Variants in UNC45B observed in about 807,000 individuals in gnomAD.
The protein encoded by UNC45B is unc-45 myosin chaperone B, also known as protein unc-45 homolog B.
In UNC45B, 78 loss-of-function variants were observed where a neutral mutation model predicts 98.7. The observed-to-expected ratio is 0.79, with a 90% CI of 0.66 to 0.95. The LOEUF is 0.95. UNC45B is among the 40% of genes least tolerant of loss of function. The pLI is 0.00. For missense variants in UNC45B, 1,225 were observed against 1,184.9 expected, an observed-to-expected ratio of 1.03 and a Z score of -0.50; for synonymous variants, 462 against 480.4, an observed-to-expected ratio of 0.96 and a Z score of 0.50.
chr17:35,152,746 G>A (rs984926528), intron 4 of UNC45B, 147 bp from the exon 5 acceptor site: 3 of 727,834 alleles, frequency 4.1e-6, no homozygotes, highest in Non-Finnish European at 7.6e-6. Context: ...TACTTATCCA[G>A]TAAATGTTTG....
intron 3 of UNC45B, 51 bp downstream of exon 3, chr17:35,149,060 G>A (rs370303310): frequency 6.2e-7 from 1 of 1,608,312 alleles, no homozygotes; most frequent in Non-Finnish European, 8.5e-7. Context: ...CCTCTGCATG[G>A]CCTGGGTTTT....
rs781514466 is a variant in UNC45B at position 35,171,475 on chromosome 17, G to A, written c.1830+13G>A. On this transcript the variant is annotated intron_variant, in intron 13 of 19. Transcript: ENST00000394570. ...GGAACACCCCAAGGTAGGGTCAGGC[G>A]CGACCCGGGAGGGGTCTGGTCTGTG... is the stretch of plus-strand genomic sequence containing the variant. The A allele has an allele frequency of 3.2e-5, 52 of 1,613,264 alleles. No individual in the cohort carries two copies. Among genetic ancestry groups the A allele is most frequent in the Non-Finnish European group, 4.3e-5 (51 of 1,179,652 alleles).
At chr17:35,160,767 G>A (rs939301997) in intron 8 of UNC45B, among the ~76,000 whole-genome samples, 1 of 152,156 alleles carries the variant, frequency 6.6e-6, no homozygotes, top group African/African-American at 2.4e-5. Context: ...ATGTGTTCTA[G>A]CAGACAGTCA....
intron 12 of UNC45B, among the ~76,000 whole-genome samples, chr17:35,170,823 A>C (rs2092179858): frequency 1.3e-5 from 2 of 152,022 alleles, no homozygotes; most frequent in South Asian, 4.2e-4. Flanking sequence ...GGTGACAGAG[A>C]GAGACCTTGC....
Position 35,155,402 on chromosome 17 carries a change from T to C in UNC45B, c.746T>C (p.Ile249Thr). ...GTCTGCAACCTGCTCCAAGCCATCA[T>C]TGACTCCTTGTCTGGGGAGGACAAG... ...LAVCNLLQAI[I>T]DSLSGEDKRE... is the part of the protein sequence containing the mutation. The change falls in exon 7 of 20, where the codon ATT becomes ACT. Residue 249 changes from isoleucine to threonine, a missense_variant. Ile to Thr is a moderately conservative substitution (Grantham distance 89). Transcript: ENST00000394570. 6.2e-7 allele frequency: 1 copy of C among 1,614,180 alleles called. No individual in the cohort carries two copies. Among genetic ancestry groups the C allele is most frequent in the Non-Finnish European group, 8.5e-7 (1 of 1,180,028 alleles).
chr17:35,184,399 C>T (rs1439644036), intron 19 of UNC45B, among the ~76,000 whole-genome samples: 4 of 152,184 alleles, frequency 2.6e-5, no homozygotes, highest in Admixed American at 1.3e-4. Flanking sequence ...AGTTTCCCAA[C>T]GTGTTCTGAT....
chr17:35,160,476 C>A (rs2092095324), intron 8 of UNC45B, among the ~76,000 whole-genome samples: 1 of 152,144 alleles, frequency 6.6e-6, no homozygotes, highest in Non-Finnish European at 1.5e-5. Flanking sequence ...TCTCACTCTG[C>A]TGCTCATGCC....
chr17:35,166,669 G>A (rs921270490), intron 9 of UNC45B, among the ~76,000 whole-genome samples: 1 of 152,160 alleles, frequency 6.6e-6, no homozygotes, highest in Non-Finnish European at 1.5e-5. Flanking sequence ...AACTAATTAC[G>A]AAGGATGCTG....
At chr17:35,155,636 C>T (rs988560062) in intron 7 of UNC45B, among the ~76,000 whole-genome samples, 172 bp downstream of exon 7, 1 of 152,104 alleles carries the variant, frequency 6.6e-6, no homozygotes, top group African/African-American at 2.4e-5. Flanking sequence ...AGTGCAGTAG[C>T]GCGATCTAGA....
intron 15 of UNC45B, among the ~76,000 whole-genome samples, chr17:35,176,734 A>G (rs2092236557): frequency 6.6e-6 from 1 of 152,246 alleles, no homozygotes; most frequent in Non-Finnish European, 1.5e-5. Context: ...CTTGGGCAGA[A>G]AGTAAAAAAT....
At chr17:35,154,891 A>T in intron 6 of UNC45B, 150 bp downstream of exon 6, 1 of 941,126 alleles carries the variant, frequency 1.1e-6, no homozygotes, top group South Asian at 2.2e-5. Flanking sequence ...TCAGTTGGAA[A>T]TGGGTTTCAC....
Position 35,183,579 on chromosome 17 carries a change from A to G in UNC45B, c.2526A>G (p.Gln842=), listed in dbSNP as rs147845885. Residue 842 remains glutamine, a synonymous_variant, in exon 19 of 20, where the codon CAA becomes CAG. Coordinates refer to ENST00000394570, the MANE Select transcript of UNC45B (RefSeq NM_001267052.2). ...AHKKLCLKMT[Q]VTTQWLEILQ... ...AGAAACTGTGCCTCAAGATGACTCA[A>G]GTGGTAAGAGCTGGCCCTGGGGATA... is the stretch of plus-strand genomic sequence containing the variant. 2.2e-5 allele frequency: 35 copies of G among 1,556,272 alleles called. No homozygotes were observed. In the African/African-American group the frequency reaches 4.4e-4, roughly 19 times the overall value.
Position 35,171,442 on chromosome 17 carries a change from G to A in UNC45B, c.1810G>A (p.Val604Met), listed in dbSNP as rs762855189. 1.9e-6 allele frequency: 3 copies of A among 1,614,018 alleles called. No individual in the cohort carries two copies. The South Asian group carries it at 3.3e-5, about 18-fold the overall frequency. ...GCTCGCCAAGTTCTCCAAGCAGCAT[G>A]TGCCCGAGGAACACCCCAAGGTAGG... The part of the protein sequence containing the change: ...VQLAKFSKQH[V>M]PEEHPKDKKD... Residue 604 changes from valine to methionine, a missense_variant, in exon 13 of 20, where the codon GTG (valine) becomes ATG (methionine). Physicochemically the swap from Val to Met is conservative, Grantham distance 21. Coordinates refer to ENST00000394570, the MANE Select transcript of UNC45B (RefSeq NM_001267052.2).
chr17:35,181,050 A>G (rs936171973), intron 18 of UNC45B, among the ~76,000 whole-genome samples: 4 of 152,222 alleles, frequency 2.6e-5, no homozygotes, highest in African/African-American at 4.8e-5. Context: ...GAAGCTCCAC[A>G]TATATAAAAA....
At position 35,169,853 on chromosome 17, in the gene UNC45B, G is replaced by T. The variant is rs1187749060; in HGVS notation, c.1469G>T (p.Gly490Val). ...IRTLVGLCKL[G>V]SAGGTDYGLR... ...CCTCCTCAGGGACTCTGTAAGCTCG[G>T]CTCTGCAGGTGGCACAGACTACGGT... is the stretch of plus-strand genomic sequence containing the variant. Residue 490 changes from glycine (G) to valine (V), a missense_variant, in exon 11 of 20, where the codon GGC becomes GTC. Coordinates refer to ENST00000394570, the MANE Select transcript of UNC45B (RefSeq NM_001267052.2). The T allele has an allele frequency of 7.4e-6, 12 of 1,614,154 alleles. No homozygotes were observed. The South Asian group carries it at 1.3e-4, about 18-fold the overall frequency.
intron 17 of UNC45B, among the ~76,000 whole-genome samples, chr17:35,179,461 T>C (rs985708925): frequency 1.4e-4 from 22 of 152,350 alleles, no homozygotes; most frequent in Admixed American, 8.5e-4. Context: ...CGTATGTTTA[T>C]TGTGGCACTA....
At position 35,150,720 on chromosome 17, in the gene UNC45B, C is replaced by T. The variant is rs375287909; in HGVS notation, c.381+497C>T. Among the ~76,000 whole-genome samples, 21 of 152,168 alleles carry T rather than the reference C, an allele frequency of 1.4e-4. No homozygotes were observed. In the East Asian group the frequency reaches 3.3e-3, roughly 24 times the overall value. ...GCTGAGATCATGTGCCATTGCACTT[C>T]AGCCTGGGCGACAGAGCAAGACTCT... On this transcript the variant is annotated intron_variant, in intron 4 of 19. Transcript: ENST00000394570.
chr17:35,181,428 C>T (rs76819371), intron 18 of UNC45B, among the ~76,000 whole-genome samples: 5,324 of 152,252 alleles, frequency 0.035, 233 homozygotes, highest in East Asian at 0.2. Context: ...GCGTGAGACC[C>T]AGTCTGTTTA....
chr17:35,185,271 G>A (rs1437670087), intron 19 of UNC45B, among the ~76,000 whole-genome samples: 2 of 151,912 alleles, frequency 1.3e-5, no homozygotes, highest in East Asian at 3.9e-4. Context: ...AAGCCCAAGG[G>A]AAAACCTTTG....
Sources: allele counts gnomAD v4.1 joint callset (sites outside exome capture counted in the v4.1 genomes callset), GRCh38; gene constraint gnomAD v4.1.1; transcripts MANE v1.5; gene names NCBI Gene and HGNC (gene_info 2026-07-23, HGNC 2026-07-21).